Variants in PTPRG observed in about 807,000 individuals in gnomAD.
The protein encoded by PTPRG is receptor-type tyrosine-protein phosphatase gamma.
Under a neutral mutation model 165.3 loss-of-function variants are expected in PTPRG, and 102 were observed. The ratio of observed to expected loss-of-function variants is 0.62; its 90% CI spans 0.53 to 0.73. The LOEUF (loss-of-function observed/expected upper bound fraction) is 0.73, where lower values mean the gene tolerates loss of function less well. PTPRG is among the 30% of genes least tolerant of loss of function. PTPRG has a pLI of 0.00. For synonymous variants in PTPRG, 675 were observed against 669.5 expected, an observed-to-expected ratio of 1.01 and a Z score of -0.13; for missense variants, 1,866 against 1,861.4, an observed-to-expected ratio of 1.00 and a Z score of -0.05.
intron 6 of PTPRG, among the ~76,000 whole-genome samples, chr3:62,133,163 T>A (rs1481909986): frequency 1.3e-5 from 2 of 152,192 alleles, no homozygotes; most frequent in Non-Finnish European, 2.9e-5. Flanking sequence ...TCCTCAGGCA[T>A]AAAACCGGGA....
intron 5 of PTPRG, among the ~76,000 whole-genome samples, chr3:62,128,068 AC>A (rs1300358858): frequency 6.6e-6 from 1 of 152,102 alleles, no homozygotes; most frequent in Non-Finnish European, 1.5e-5. Context: ...ATCTCTATAT[AC>A]TTTGGTTGTA....
intron 5 of PTPRG, among the ~76,000 whole-genome samples, chr3:62,104,063 A>G (rs1016375884): frequency 1.3e-5 from 2 of 152,192 alleles, no homozygotes; most frequent in African/African-American, 4.8e-5. Flanking sequence ...TATTTTTGTT[A>G]CTTTATGGAG....
chr3:62,193,252 G>T (rs1271123604), intron 9 of PTPRG, among the ~76,000 whole-genome samples: 1 of 152,204 alleles, frequency 6.6e-6, no homozygotes, highest in African/African-American at 2.4e-5. Flanking sequence ...AATAGATACC[G>T]TCTTGGAGTG....
chr3:62,178,988 G>A (rs1021670515), intron 8 of PTPRG, among the ~76,000 whole-genome samples: 2 of 152,204 alleles, frequency 1.3e-5, no homozygotes, highest in Admixed American at 6.5e-5. Flanking sequence ...ATGAGGCTGC[G>A]AGACATTGGT....
rs941907291 is a variant in PTPRG at position 62,219,211 on chromosome 3, A to G, written c.2288+228A>G. Reference sequence around the variant, plus strand: ...AAGCTTCTGGGATTTAGTACCAAAGAGGTTTTTGTTTGAGAACCAGGGAGA... The same window carrying G: ...AAGCTTCTGGGATTTAGTACCAAAGGGGTTTTTGTTTGAGAACCAGGGAGA... On this transcript the variant is annotated intron_variant, in intron 13 of 29. Transcript: ENST00000474889. This position sits in a 1 kb window ranked among gnomAD's most constrained non-coding sequence, Gnocchi z 4.5. Among the ~76,000 whole-genome samples, 2 of 152,196 alleles carry G rather than the reference A, an allele frequency of 1.3e-5. No homozygotes were observed. Among genetic ancestry groups the G allele is most frequent in the Non-Finnish European group, 2.9e-5 (2 of 68,036 alleles).
intron 2 of PTPRG, among the ~76,000 whole-genome samples, chr3:61,950,575 A>AT (rs546760116): frequency 1.8e-3 from 278 of 152,116 alleles, no homozygotes; most frequent in Admixed American, 3.7e-3. Flanking sequence ...TTTTTAATAC[A>AT]TTTTTTTAAA....
chr3:62,289,619 G>A lies in PTPRG; in HGVS notation c.4056-2802G>A, dbSNP rs1005871654. Reference sequence around the variant, plus strand: ...GATATATTATCAAAAGTTTATCAGTGAATTCAGGACATTTTAAGAGACATT... The same window carrying A: ...GATATATTATCAAAAGTTTATCAGTAAATTCAGGACATTTTAAGAGACATT... On this transcript the variant is annotated intron_variant, in intron 28 of 29. Transcript: ENST00000474889. Among the ~76,000 whole-genome samples, 10 of 149,860 alleles carry A rather than the reference G, an allele frequency of 6.7e-5. No homozygotes were observed. The South Asian group carries it at 2.1e-3, about 32-fold the overall frequency.
chr3:62,271,332 C>T lies in PTPRG; in HGVS notation c.3010-51C>T. 6.8e-7 allele frequency: 1 copy of T among 1,463,564 alleles called. No individual in the cohort carries two copies. Among genetic ancestry groups the T allele is most frequent in the Admixed American group, 2.0e-5 (1 of 49,906 alleles). 90.7% of individuals were successfully genotyped at this position (1,463,564 alleles called of 1,614,324 possible). A position where few individuals can be genotyped will look rare whatever the true frequency, so the allele number is the denominator to read the frequency against. ...CTGACACCCTTACATTATTTTTTTC[C>T]AGAATGTCCACCCCCCCGCTTAAAG... is the stretch of plus-strand genomic sequence containing the variant. On this transcript the variant is annotated intron_variant, in intron 20 of 29. Coordinates refer to ENST00000474889, the MANE Select transcript of PTPRG (RefSeq NM_002841.4). This position sits in a 1 kb window ranked among gnomAD's most constrained non-coding sequence, Gnocchi z 4.1.
chr3:62,044,158 G>C (rs1700213908), intron 4 of PTPRG, among the ~76,000 whole-genome samples: 5 of 152,230 alleles, frequency 3.3e-5, no homozygotes. Flanking sequence ...ATCTGATGAA[G>C]AGTGCCGCTT....
chr3:62,134,453 C>T (rs1703631783), intron 6 of PTPRG, among the ~76,000 whole-genome samples: 1 of 152,202 alleles, frequency 6.6e-6, no homozygotes, highest in Non-Finnish European at 1.5e-5. Flanking sequence ...TGCAGCCCCT[C>T]CCAGCTTGTG....
chr3:61,946,936 G>A (rs934062960), intron 2 of PTPRG, among the ~76,000 whole-genome samples: 1 of 152,174 alleles, frequency 6.6e-6, no homozygotes, highest in Non-Finnish European at 1.5e-5. Context: ...GATGAGAAAT[G>A]ACAGCTCTTA....
At chr3:61,571,596 A>ATAATAACTGTGGATAG (rs1377381407) in intron 1 of PTPRG, among the ~76,000 whole-genome samples, 1 of 152,208 alleles carries the variant, frequency 6.6e-6, no homozygotes, top group African/African-American at 2.4e-5. Flanking sequence ...GAATAAGCTG[A>ATAATAACTGTGGATAG]TAATAACTGT....
rs570482026 is a variant in PTPRG at position 61,943,238 on chromosome 3, T to C, written c.191-46387T>C. Among the ~76,000 whole-genome samples, 9 of 152,332 alleles carry C rather than the reference T, an allele frequency of 5.9e-5. 2 individuals carry two copies. In the South Asian group the frequency reaches 1.9e-3, roughly 32 times the overall value. On this transcript the variant is annotated intron_variant, in intron 2 of 29. Coordinates refer to ENST00000474889, the MANE Select transcript of PTPRG (RefSeq NM_002841.4). Reference sequence around the variant, plus strand: ...GTTTTTGGTCTAACCACATCCTGTCTTAGGAATTTTGCCATATCAGTTGTT... The same window carrying C: ...GTTTTTGGTCTAACCACATCCTGTCCTAGGAATTTTGCCATATCAGTTGTT...
chr3:62,045,138 C>T (rs1425704844), intron 4 of PTPRG, among the ~76,000 whole-genome samples: 1 of 152,082 alleles, frequency 6.6e-6, no homozygotes, highest in African/African-American at 2.4e-5. Flanking sequence ...TGAAAGGTAG[C>T]TTAGATGTCC....
intron 16 of PTPRG, among the ~76,000 whole-genome samples, chr3:62,260,006 G>C (rs1173184609): frequency 2.0e-5 from 3 of 152,178 alleles, no homozygotes; most frequent in Admixed American, 6.5e-5. Context: ...TCAGCACAAC[G>C]TTTGAGGAAA....
At chr3:61,777,252 A>G (rs567145717) in intron 2 of PTPRG, among the ~76,000 whole-genome samples, 42 of 152,370 alleles carry the variant, frequency 2.8e-4, no homozygotes, top group African/African-American at 8.7e-4. Context: ...CACAGCAGCT[A>G]CTTGCCACAT....
chr3:62,094,720 G>T (rs1702052928), intron 5 of PTPRG, among the ~76,000 whole-genome samples: 1 of 152,186 alleles, frequency 6.6e-6, no homozygotes, highest in Non-Finnish European at 1.5e-5. Context: ...GCTATCCAGG[G>T]CCTATGCTGA....
rs151161210 is a variant in PTPRG, at chr3:61,988,356, C to A, written c.191-1269C>A. Among the ~76,000 whole-genome samples the A allele has an allele frequency of 1.2e-3, 182 of 152,242 alleles. 3 individuals carry two copies. The East Asian group carries it at 0.029, about 24-fold the overall frequency. On this transcript the variant is annotated intron_variant, in intron 2 of 29. Transcript: ENST00000474889. ...TTTCTTGTACCATTGTTTATATCTA[C>A]TGTGAGCTGTTACCAGTTTGGGGGG...
In PTPRG at chr3:62,222,260, C is replaced by A. The variant is rs1207970115; in HGVS notation, c.2288+3277C>A. ...AGAAGTTCAGGAGCATTGGGCCTGG[C>A]TGAATTTGTAAGATGGAACATCAGG... On this transcript the variant is annotated intron_variant, in intron 13 of 29. Coordinates refer to ENST00000474889, the MANE Select transcript of PTPRG (RefSeq NM_002841.4). This position sits in a 1 kb window ranked among gnomAD's most constrained non-coding sequence, Gnocchi z 4.5. Among the ~76,000 whole-genome samples the A allele has an allele frequency of 6.6e-6, 1 of 152,146 alleles. No homozygotes were observed. The highest frequency in any genetic ancestry group is 2.4e-5 in the African/African-American group (1 of 41,424).
Sources: allele counts gnomAD v4.1 joint callset (sites outside exome capture counted in the v4.1 genomes callset), GRCh38; gene constraint gnomAD v4.1.1; non-coding constraint Gnocchi (gnomAD v3.1); transcripts MANE v1.5; gene names NCBI Gene and HGNC (gene_info 2026-07-23, HGNC 2026-07-21).